The following LINGO1 variants were observed in gnomAD, a reference collection of about 807,000 sequenced individuals.
LINGO1 encodes leucine rich repeat and Ig domain containing 1, also known as leucine-rich repeat and immunoglobulin-like domain-containing nogo receptor-interacting protein 1.
In LINGO1, 11 loss-of-function variants were observed where a neutral mutation model predicts 37.3. The observed-to-expected ratio is 0.29, with a 90% CI of 0.19 to 0.49. The LOEUF (loss-of-function observed/expected upper bound fraction) is 0.49, where lower values mean the gene tolerates loss of function less well. Ranked by LOEUF, LINGO1 falls within the 20% of genes least tolerant of loss-of-function variation. The pLI is 0.99. For missense variants in LINGO1, 585 were observed against 878.2 expected, an observed-to-expected ratio of 0.67 and a Z score of 4.22; for synonymous variants, 387 against 403.0, an observed-to-expected ratio of 0.96 and a Z score of 0.48.
intron 1 of LINGO1, among the ~76,000 whole-genome samples, chr15:77,783,346 G>A (rs2076739697): frequency 6.6e-6 from 1 of 152,176 alleles, no homozygotes; most frequent in Admixed American, 6.5e-5. Context: ...GCGGGTGAAT[G>A]AAGGTGTGAA....
chr15:77,675,982 T>C (rs2075320872), intron 3 of LINGO1, among the ~76,000 whole-genome samples: 1 of 152,182 alleles, frequency 6.6e-6, no homozygotes, highest in Non-Finnish European at 1.5e-5. Flanking sequence ...GTCTCTCAGC[T>C]CTGTTCACAG....
intron 2 of LINGO1, among the ~76,000 whole-genome samples, chr15:77,702,616 G>A (rs969775160): frequency 6.6e-6 from 1 of 152,190 alleles, no homozygotes; most frequent in Non-Finnish European, 1.5e-5. Flanking sequence ...GGAAACTGAG[G>A]CTCAGACCAA....
chr15:77,684,284 C>T (rs1046505275), intron 2 of LINGO1, among the ~76,000 whole-genome samples: 3 of 152,214 alleles, frequency 2.0e-5, no homozygotes, highest in Admixed American at 1.3e-4. Flanking sequence ...ATCCTCCTAG[C>T]AACCCTCTGA....
At chr15:77,636,472 T>TG (rs1567476719), upstream of LINGO1, among the ~76,000 whole-genome samples, 1 of 150,736 alleles carries the variant, frequency 6.6e-6, no homozygotes, top group Non-Finnish European at 1.5e-5. Context: ...TGGAGGTGAG[T>TG]GGGGGTTGGG....
upstream of LINGO1, chr15:77,634,302 G>T: frequency 2.2e-6 from 1 of 456,060 alleles, no homozygotes; most frequent in Non-Finnish European, 4.4e-6. Flanking sequence ...ACCATTTCTG[G>T]GTACTTCTCA....
rs1595990279 is a variant in LINGO1, at chr15:77,620,746, G to A, written c.7-4846C>T. Among the ~76,000 whole-genome samples the A allele has an allele frequency of 2.6e-5, 4 of 152,376 alleles. No individual in the cohort carries two copies. The Middle Eastern group carries it at 0.01, about 389-fold the overall frequency. ...TCACTGGGGCTGGAAGAATCTCTCTGTGGGAGGGGGGCTCAGGATGGTGGG... is the reference window on the plus strand; with the variant it reads ...TCACTGGGGCTGGAAGAATCTCTCTATGGGAGGGGGGCTCAGGATGGTGGG... On this transcript the variant is annotated intron_variant, in intron 1 of 1. Coordinates refer to ENST00000355300, the MANE Select transcript of LINGO1 (RefSeq NM_032808.7).
At chr15:77,627,616 AG>A (rs370868393) in intron 1 of LINGO1, among the ~76,000 whole-genome samples, 17 of 152,296 alleles carry the variant, frequency 1.1e-4, no homozygotes, top group African/African-American at 4.1e-4. Context: ...CCAGGTGCAC[AG>A]GGGGGCTGTG....
At chr15:77,642,064 C>A in intron 3 of LINGO1, 2 of 445,270 alleles carry the variant, frequency 4.5e-6, no homozygotes, top group East Asian at 1.4e-4. Flanking sequence ...ATGCGTGTGA[C>A]ATTTCTTGTG....
intron 1 of LINGO1, among the ~76,000 whole-genome samples, chr15:77,621,581 G>T (rs1041588526): frequency 5.9e-5 from 9 of 152,192 alleles, no homozygotes; most frequent in African/African-American, 1.9e-4. Context: ...CCAGGGGAGG[G>T]GCTGTCCTGT....
upstream of LINGO1, among the ~76,000 whole-genome samples, chr15:77,820,580 G>A (rs572735358): frequency 4.8e-4 from 73 of 152,334 alleles, no homozygotes; most frequent in African/African-American, 1.7e-3. Context: ...CATGCTGGGA[G>A]GACAGGGCTC....
At chr15:77,669,319 T>TC (rs2075205384) in intron 3 of LINGO1, among the ~76,000 whole-genome samples, 1 of 151,886 alleles carries the variant, frequency 6.6e-6, no homozygotes, top group Non-Finnish European at 1.5e-5. Flanking sequence ...AGAGCCAAAG[T>TC]CCCCCATCCC....
chr15:77,689,970 C>CCAGGTGAGATTCATTAT (rs1389681965), intron 2 of LINGO1, among the ~76,000 whole-genome samples: 1 of 152,184 alleles, frequency 6.6e-6, no homozygotes, highest in Non-Finnish European at 1.5e-5. Flanking sequence ...AGCATCGCTG[C>CCAGGTGAGATTCATTAT]CAGGTGAGAT....
chr15:77,742,163 C>CT (rs2076271168), intron 1 of LINGO1, among the ~76,000 whole-genome samples: 4 of 152,222 alleles, frequency 2.6e-5, no homozygotes, highest in African/African-American at 9.6e-5. Flanking sequence ...GCCCCACAAG[C>CT]CTAGCTCAGA....
intron 3 of LINGO1, chr15:77,659,961 C>T (rs938455154): frequency 3.9e-5 from 6 of 152,242 alleles, no homozygotes; most frequent in Non-Finnish European, 8.8e-5. Context: ...GGCCTGGAAT[C>T]GTACCATTAT....
chr15:77,661,525 G>T (rs1468409389), intron 3 of LINGO1, among the ~76,000 whole-genome samples: 4 of 152,222 alleles, frequency 2.6e-5, no homozygotes, highest in Non-Finnish European at 5.9e-5. Context: ...ACAGTGCCTT[G>T]CCAGTTCATT....
intron 2 of LINGO1, among the ~76,000 whole-genome samples, chr15:77,716,238 C>G (rs956860355): frequency 1.4e-4 from 19 of 136,938 alleles, no homozygotes; most frequent in African/African-American, 4.7e-4. Flanking sequence ...TCAATACAGA[C>G]ACTGCTCCCC....
intron 1 of LINGO1, among the ~76,000 whole-genome samples, chr15:77,814,991 A>C (rs1248779270): frequency 6.6e-6 from 1 of 152,204 alleles, no homozygotes; most frequent in Admixed American, 6.5e-5. Flanking sequence ...CTGGGCATGG[A>C]GCTGCCTATC....
intron 2 of LINGO1, among the ~76,000 whole-genome samples, chr15:77,715,800 C>G (rs1804383381): frequency 6.6e-6 from 1 of 152,206 alleles, no homozygotes; most frequent in Non-Finnish European, 1.5e-5. Flanking sequence ...GGGCCACCCT[C>G]CTCTCCATTC....
intron 1 of LINGO1, among the ~76,000 whole-genome samples, chr15:77,815,105 G>A (rs1269660407): frequency 6.6e-6 from 1 of 152,196 alleles, no homozygotes; most frequent in African/African-American, 2.4e-5. Context: ...GCCTCCTCTC[G>A]CCCTGACCCT....
Sources: gnomAD v4.1 joint callset for allele counts (sites outside exome capture counted in the v4.1 genomes callset) on GRCh38, gnomAD v4.1.1 for gene constraint, MANE v1.5 for transcripts, NCBI Gene and HGNC (gene_info 2026-07-23, HGNC 2026-07-21) for gene names.